The following NCOA7 variants were observed in gnomAD, a reference collection of about 807,000 sequenced individuals.
NCOA7 encodes the protein 140 kDa estrogen receptor-associated protein.
NCOA7 carries 45 observed loss-of-function variants against 104.3 expected under a neutral mutation model. The ratio of observed to expected loss-of-function variants is 0.43; its 90% CI spans 0.34 to 0.55. The LOEUF (loss-of-function observed/expected upper bound fraction) is 0.55, where lower values mean the gene tolerates loss of function less well. NCOA7 is among the 20% of genes least tolerant of loss of function. The pLI, the probability that NCOA7 is intolerant of heterozygous loss-of-function variation, is 0.02. For synonymous variants in NCOA7, 398 were observed against 402.3 expected, an observed-to-expected ratio of 0.99 and a Z score of 0.13; for missense variants, 1,041 against 1,119.7, an observed-to-expected ratio of 0.93 and a Z score of 1.00.
At chr6:125,816,191 G>A (rs1450038537) in intron 2 of NCOA7, among the ~76,000 whole-genome samples, 1 of 152,082 alleles carries the variant, frequency 6.6e-6, no homozygotes, top group East Asian at 1.9e-4. Context: ...CTAAACATGA[G>A]CCTTGGAGCC....
chr6:125,814,457 T>C (rs1021236974), intron 1 of NCOA7, among the ~76,000 whole-genome samples: 1 of 152,172 alleles, frequency 6.6e-6, no homozygotes, highest in African/African-American at 2.4e-5. Context: ...CACAGCCTGC[T>C]TTTTTTGATT....
intron 1 of NCOA7, among the ~76,000 whole-genome samples, chr6:125,792,779 A>G (rs79596819): frequency 8.8e-6 from 1 of 113,638 alleles, no homozygotes; most frequent in African/African-American, 4.3e-5. Flanking sequence ...TATCATTTTG[A>G]AAAAAAAAAA....
intron 2 of NCOA7, among the ~76,000 whole-genome samples, chr6:125,850,869 G>T (rs528500497): frequency 6.6e-6 from 1 of 152,294 alleles, no homozygotes; most frequent in African/African-American, 2.4e-5. Context: ...GACAAGCTCT[G>T]TGTGGTATCT....
rs1174794141 is a variant in NCOA7, at chr6:125,928,743, A to T, written c.2801A>T (p.Gln934Leu). Reference protein sequence around the residue: ...ILSKKEDFIVQDLEVWAFD With the variant: ...ILSKKEDFIVLDLEVWAFD Reference sequence around the variant, plus strand: ...TCCAAAAAGGAAGACTTCATAGTTCAGGATCTGGAGGTGTGGGCATTTGAT... The same window carrying T: ...TCCAAAAAGGAAGACTTCATAGTTCTGGATCTGGAGGTGTGGGCATTTGAT... The change falls in exon 16 of 16, where the codon CAG becomes CTG. Residue 934 changes from glutamine (Q) to leucine (L), a missense_variant. This residue lies in a region of NCOA7 where 127 missense variants were observed against 177.0 expected (regional missense o/e 0.72). Coordinates refer to ENST00000392477, the MANE Select transcript of NCOA7 (RefSeq NM_181782.5). 1 of 1,612,908 alleles carries T rather than the reference A, an allele frequency of 6.2e-7. No homozygotes were observed.
intron 1 of NCOA7, among the ~76,000 whole-genome samples, chr6:125,799,560 C>T (rs949970577): frequency 1.3e-5 from 2 of 151,800 alleles, no homozygotes; most frequent in African/African-American, 4.8e-5. Flanking sequence ...CTGAGTCAAC[C>T]TTTGGAATAG....
At chr6:125,831,284 C>A (rs1255977120) in intron 2 of NCOA7, among the ~76,000 whole-genome samples, 1 of 152,072 alleles carries the variant, frequency 6.6e-6, no homozygotes, top group African/African-American at 2.4e-5. Context: ...CCAAATCTAG[C>A]CCAACCAAAA....
At chr6:125,872,358 A>G (rs1783001752) in intron 3 of NCOA7, among the ~76,000 whole-genome samples, 4 of 152,190 alleles carry the variant, frequency 2.6e-5, no homozygotes, top group Admixed American at 2.6e-4. Context: ...CAGCTTATGG[A>G]AGGGCGTTGG....
At chr6:125,846,353 A>G (rs1780608889) in intron 2 of NCOA7, among the ~76,000 whole-genome samples, 1 of 83,244 alleles carries the variant, frequency 1.2e-5, no homozygotes. Flanking sequence ...TATAAAAAAG[A>G]AAAAAAAATT....
intron 13 of NCOA7, 40 bp from the exon 14 acceptor site, chr6:125,927,623 A>G (rs751286141): frequency 6.9e-7 from 1 of 1,446,972 alleles, no homozygotes; most frequent in East Asian, 2.3e-5. Context: ...TTGGGGATTT[A>G]GGTTTGAATG....
chr6:125,832,897 A>G (rs967837223), intron 2 of NCOA7, among the ~76,000 whole-genome samples: 1 of 152,150 alleles, frequency 6.6e-6, no homozygotes, highest in Non-Finnish European at 1.5e-5. Flanking sequence ...ACATCGCCAC[A>G]CTGTTGTGTC....
upstream of NCOA7, among the ~76,000 whole-genome samples, chr6:125,786,660 T>TC (rs911085996): frequency 7.1e-6 from 1 of 141,732 alleles, no homozygotes; most frequent in Admixed American, 7.5e-5. Context: ...CAGCGCAACC[T>TC]CTCCCTCTCG....
At chr6:125,922,437 G>C (rs1237691623) in intron 12 of NCOA7, among the ~76,000 whole-genome samples, 1 of 152,184 alleles carries the variant, frequency 6.6e-6, no homozygotes, top group East Asian at 1.9e-4. Context: ...TATATAGCAG[G>C]ATAGGGACTC....
intron 4 of NCOA7, among the ~76,000 whole-genome samples, chr6:125,875,732 G>T (rs139904179): frequency 6.6e-6 from 1 of 152,078 alleles, no homozygotes; most frequent in Non-Finnish European, 1.5e-5. Flanking sequence ...ATTCATTAGC[G>T]TGTTGTTATT....
At chr6:125,852,854 G>A (rs1169930835) in intron 2 of NCOA7, among the ~76,000 whole-genome samples, 1 of 152,194 alleles carries the variant, frequency 6.6e-6, no homozygotes, top group Admixed American at 6.5e-5. Flanking sequence ...GTGATGTCGG[G>A]TAATGTGATG....
At chr6:125,844,428 C>T (rs1462523965) in intron 2 of NCOA7, among the ~76,000 whole-genome samples, 3 of 152,208 alleles carry the variant, frequency 2.0e-5, no homozygotes, top group Admixed American at 6.5e-5. Context: ...GAATCAGGAA[C>T]ATCCACAGGT....
At chr6:125,826,706 G>A (rs1205325506) in intron 2 of NCOA7, among the ~76,000 whole-genome samples, 1 of 152,192 alleles carries the variant, frequency 6.6e-6, no homozygotes, top group Non-Finnish European at 1.5e-5. Context: ...CCCTTATGGA[G>A]AATACTTTTC....
intron 11 of NCOA7, among the ~76,000 whole-genome samples, chr6:125,917,969 A>G (rs2128693110): frequency 6.6e-6 from 1 of 152,324 alleles, no homozygotes; most frequent in South Asian, 2.1e-4. Context: ...GGAGGTGAGC[A>G]GTAAGGTCAA....
chr6:125,879,486 A>G (rs139325150), intron 5 of NCOA7, among the ~76,000 whole-genome samples: 1 of 152,264 alleles, frequency 6.6e-6, no homozygotes, highest in East Asian at 1.9e-4. Flanking sequence ...ATATATTTTT[A>G]GTAGTTATCA....
In NCOA7 at chr6:125,914,202, C is replaced by T. The variant is rs558513865; in HGVS notation, c.2097-1131C>T. On this transcript the variant is annotated intron_variant, in intron 10 of 15. Coordinates refer to ENST00000392477, the MANE Select transcript of NCOA7 (RefSeq NM_181782.5). ...ATACAATTAAAGAAATACAAACAAA[C>T]TAAATATCCTGACAGCATAGGAATA... is the stretch of plus-strand genomic sequence containing the variant. Among the ~76,000 whole-genome samples the T allele has an allele frequency of 4.6e-5, 7 of 151,994 alleles. No individual in the cohort carries two copies. In the South Asian group the frequency reaches 1.4e-3, roughly 31 times the overall value.
Sources: allele counts gnomAD v4.1 joint callset (sites outside exome capture counted in the v4.1 genomes callset), GRCh38; gene constraint gnomAD v4.1.1; regional missense constraint gnomAD v4.1.1; transcripts MANE v1.5; gene names NCBI Gene and HGNC (gene_info 2026-07-23, HGNC 2026-07-21).